The following MSN variants were observed in gnomAD, a reference collection of about 807,000 sequenced individuals.
MSN encodes moesin.
MSN carries 2 observed loss-of-function variants against 48.0 expected under a neutral mutation model. The observed-to-expected ratio is 0.04, with a 90% CI of 0.02 to 0.13. The LOEUF is 0.13. Ranked by LOEUF, MSN falls within the 10% of genes least tolerant of loss-of-function variation. The pLI is 1.00. For synonymous variants in MSN, 146 were observed against 166.9 expected, an observed-to-expected ratio of 0.87 and a Z score of 0.97; for missense variants, 267 against 470.1, an observed-to-expected ratio of 0.57 and a Z score of 3.99.
chrX:65,683,591 T>G (rs1216635663), intron 1 of MSN, among the ~76,000 whole-genome samples: 1 of 110,896 alleles, frequency 9.0e-6, no homozygotes, highest in African/African-American at 3.3e-5. Context: ...GGTGTAGGTT[T>G]ATGCTTACTA....
At chrX:65,701,559 C>T (rs1211791766) in intron 1 of MSN, among the ~76,000 whole-genome samples, 2 of 112,155 alleles carry the variant, frequency 1.8e-5, no homozygotes, top group African/African-American at 3.2e-5. Flanking sequence ...AATTCCCCAG[C>T]GTCTTCTCTG....
rs2071665371 is a variant in MSN, at chrX:65,735,400, G to A, written c.929G>A (p.Arg310Gln). Residue 310 changes from arginine to glutamine, a missense_variant, in exon 8 of 13, where the codon CGG becomes CAG. Physicochemically the swap from Arg to Gln is conservative, Grantham distance 43. Transcript: ENST00000360270. ...GTGCAGCAGATGAAGGCACAGGCCC[G>A]GGAGGAGAAGCACCAGAAGCAGATG... ...IEVQQMKAQA[R>Q]EEKHQKQMER... 4 of 1,206,793 alleles carry A rather than the reference G, an allele frequency of 3.3e-6. No homozygotes were observed. The highest frequency in any genetic ancestry group is 1.7e-5 in the African/African-American group (1 of 57,233).
intron 1 of MSN, among the ~76,000 whole-genome samples, chrX:65,646,698 C>A (rs940442218): frequency 8.9e-6 from 1 of 112,321 alleles, no homozygotes; most frequent in Admixed American, 9.4e-5. Context: ...GTAATCCCAG[C>A]ACTTTGGGAG....
At chrX:65,690,490 G>C (rs2071161880) in intron 1 of MSN, among the ~76,000 whole-genome samples, 1 of 111,881 alleles carries the variant, frequency 8.9e-6, no homozygotes, top group African/African-American at 3.3e-5. Context: ...TTTAGAGAGT[G>C]AGTTCACCGT....
At chrX:65,630,861 T>C (rs1357389280) in intron 1 of MSN, among the ~76,000 whole-genome samples, 1 of 111,904 alleles carries the variant, frequency 8.9e-6, no homozygotes, top group Admixed American at 9.6e-5. Context: ...TTTTTGAAAT[T>C]TTAATTTTGA....
At chrX:65,695,136 G>T in intron 1 of MSN, among the ~76,000 whole-genome samples, 1 of 109,141 alleles carries the variant, frequency 9.2e-6, no homozygotes, top group East Asian at 2.9e-4. Flanking sequence ...GAGTATAGAT[G>T]CAGAGGGATC....
intron 1 of MSN, among the ~76,000 whole-genome samples, chrX:65,681,053 G>T: frequency 9.0e-6 from 1 of 110,870 alleles, no homozygotes; most frequent in South Asian, 3.8e-4. Flanking sequence ...ACCTGGCCAT[G>T]ATTTTTTTTT....
intron 1 of MSN, among the ~76,000 whole-genome samples, chrX:65,636,747 CAAAAAA>C (rs1219240320): frequency 1.6e-4 from 1 of 6,339 alleles, no homozygotes; most frequent in African/African-American, 3.7e-4. Flanking sequence ...AACTCCATCT[CAAAAAA>C]AAAAAAAAAA....
intron 1 of MSN, among the ~76,000 whole-genome samples, chrX:65,693,538 G>A (rs1334134891): frequency 1.8e-5 from 2 of 111,769 alleles, no homozygotes; most frequent in African/African-American, 6.5e-5. Flanking sequence ...GATAATTAAT[G>A]GTGAGCATCC....
chrX:65,694,564 A>C (rs1040894402), intron 1 of MSN, among the ~76,000 whole-genome samples: 8 of 110,443 alleles, frequency 7.2e-5, no homozygotes, highest in African/African-American at 2.6e-4. Context: ...CCTGGCCTCA[A>C]GTAATCCACC....
intron 1 of MSN, among the ~76,000 whole-genome samples, chrX:65,598,584 C>T (rs888810886): frequency 9.0e-6 from 1 of 111,518 alleles, no homozygotes; most frequent in Non-Finnish European, 1.9e-5. Flanking sequence ...TTGAAAAAAT[C>T]GAGGCCAGAG....
intron 12 of MSN, 141 bp downstream of exon 12, chrX:65,739,335 C>A: frequency 1.7e-6 from 1 of 581,421 alleles, no homozygotes; most frequent in Non-Finnish European, 2.7e-6. Flanking sequence ...TAAGTGACAG[C>A]TTTAAGGATA....
chrX:65,651,854 T>C (rs750609603), intron 1 of MSN, among the ~76,000 whole-genome samples: 51 of 107,523 alleles, frequency 4.7e-4, no homozygotes, highest in African/African-American at 1.6e-3. Context: ...CACCTTGGCC[T>C]CCCAAAGCGT....
Position 65,603,919 on chromosome X carries a change from G to A in MSN, c.-22+15307G>A, listed in dbSNP as rs149357031. 8.5e-3 allele frequency among the ~76,000 whole-genome samples: 946 copies of A among 111,701 alleles called. 7 individuals carry two copies. The highest frequency in any genetic ancestry group is 0.023 in the Middle Eastern group (5 of 217). On this transcript the variant is annotated intron_variant, in intron 1 of 3. Transcript: ENST00000609672. Reference sequence around the variant, plus strand: ...AGTCACAGTCAAGAGAGACAGAAGGGGACATATTTGAGAGATCATTGTTAT... The same window carrying A: ...AGTCACAGTCAAGAGAGACAGAAGGAGACATATTTGAGAGATCATTGTTAT...
At chrX:65,615,618 T>G (rs2070363222) in intron 1 of MSN, among the ~76,000 whole-genome samples, 1 of 105,304 alleles carries the variant, frequency 9.5e-6, no homozygotes, top group Non-Finnish European at 1.9e-5. Flanking sequence ...CTTTGTCAGA[T>G]GAGTAGGTTG....
chrX:65,631,945 G>A (rs2070562232), intron 1 of MSN, among the ~76,000 whole-genome samples: 2 of 111,711 alleles, frequency 1.8e-5, no homozygotes, highest in African/African-American at 6.5e-5. Context: ...CTAAAATGTT[G>A]GGATTACAGG....
intron 1 of MSN, among the ~76,000 whole-genome samples, chrX:65,636,811 G>T (rs749021316): frequency 1.9e-5 from 2 of 103,822 alleles, no homozygotes; most frequent in East Asian, 6.0e-4. Flanking sequence ...GCCAGGCGCG[G>T]TGGCTCACGC....
intron 1 of MSN, among the ~76,000 whole-genome samples, chrX:65,714,531 T>C (rs1177494293): frequency 8.9e-6 from 1 of 111,916 alleles, no homozygotes; most frequent in Non-Finnish European, 1.9e-5. Flanking sequence ...TTGTGTGAGA[T>C]GGTATCTCAT....
intron 1 of MSN, among the ~76,000 whole-genome samples, chrX:65,590,879 C>T (rs2070141604): frequency 9.0e-6 from 1 of 111,426 alleles, no homozygotes; most frequent in Non-Finnish European, 1.9e-5. Flanking sequence ...ATCTGCTATA[C>T]CTGGAGCTGC....
Sources: allele counts gnomAD v4.1 joint callset (sites outside exome capture counted in the v4.1 genomes callset), GRCh38; gene constraint gnomAD v4.1.1; transcripts MANE v1.5; gene names NCBI Gene and HGNC (gene_info 2026-07-23, HGNC 2026-07-21).